The following SLC25A48 variants were observed in gnomAD, a reference collection of about 807,000 sequenced individuals.
SLC25A48 encodes the protein solute carrier family 25 member 48, also known as CTC-321K16.1.
A neutral mutation model predicts 32.2 loss-of-function variants in SLC25A48; 29 were observed. That is an observed-to-expected ratio of 0.90 (90% CI 0.67 to 1.23). The LOEUF (loss-of-function observed/expected upper bound fraction) is 1.23, where lower values mean the gene tolerates loss of function less well. SLC25A48 is among the 50% of genes most tolerant of loss of function. The pLI, the probability that SLC25A48 is intolerant of heterozygous loss-of-function variation, is 0.00. For missense variants in SLC25A48, 399 were observed against 422.7 expected (o/e 0.94, Z 0.49); for synonymous variants, 164 against 172.3 (o/e 0.95, Z 0.38).
chr5:135,606,902 G>C lies in SLC25A48; in HGVS notation c.-848-22335G>C, dbSNP rs555183621. On this transcript the variant is annotated intron_variant, in intron 1 of 10. Transcript: ENST00000646290. ...CAATAAAATGGCTAAAATCACCACT[G>C]TGGCAATGAATTAGAATTCCTTGCT... Among the ~76,000 whole-genome samples the C allele has an allele frequency of 2.0e-5, 3 of 152,302 alleles. No homozygotes were observed. The South Asian group carries it at 6.2e-4, about 32-fold the overall frequency.
chr5:135,690,919 C>T (rs1042326896), intron 3 of SLC25A48, among the ~76,000 whole-genome samples: 5 of 150,242 alleles, frequency 3.3e-5, no homozygotes, highest in Non-Finnish European at 5.9e-5. Flanking sequence ...CAGAATTTCT[C>T]CCAAAGTGTG....
intron 3 of SLC25A48, among the ~76,000 whole-genome samples, chr5:135,676,588 A>T (rs1458346421): frequency 6.6e-6 from 1 of 151,886 alleles, no homozygotes; most frequent in Admixed American, 6.6e-5. Flanking sequence ...TTTCTGATGT[A>T]CATGTTTATT....
intron 3 of SLC25A48, among the ~76,000 whole-genome samples, chr5:135,786,020 A>AT (rs2126627263): frequency 6.8e-6 from 1 of 146,074 alleles, no homozygotes; most frequent in East Asian, 2.1e-4. Context: ...AGTGGGGGAG[A>AT]CGGTGGTATT....
At chr5:135,724,741 G>T (rs562476664) in intron 3 of SLC25A48, among the ~76,000 whole-genome samples, 1 of 152,368 alleles carries the variant, frequency 6.6e-6, no homozygotes, top group South Asian at 2.1e-4. Context: ...GTTGGGAGAT[G>T]ATTTCAACAG....
In SLC25A48 at chr5:135,627,487, C is replaced by G. The variant is rs2078013; in HGVS notation, c.-848-1750C>G. 7.9e-5 allele frequency among the ~76,000 whole-genome samples: 12 copies of G among 152,180 alleles called. No homozygotes were observed. In the East Asian group the frequency reaches 2.3e-3, roughly 29 times the overall value. The stretch of plus-strand genomic sequence containing the variant: ...AAGTGGTGGCGGATTCCTGCTAGTG[C>G]TAAGCTCTGGGTTGCCTCCTCTTTC... On this transcript the variant is annotated intron_variant, in intron 1 of 10. Transcript: ENST00000646290.
intron 3 of SLC25A48, among the ~76,000 whole-genome samples, chr5:135,738,447 G>A (rs1234355684): frequency 6.6e-6 from 1 of 152,210 alleles, no homozygotes; most frequent in East Asian, 1.9e-4. Flanking sequence ...ATGGGAAGAG[G>A]TGACATTTGC....
At chr5:135,805,323 T>C in intron 3 of SLC25A48, among the ~76,000 whole-genome samples, 1 of 151,526 alleles carries the variant, frequency 6.6e-6, no homozygotes, top group Non-Finnish European at 1.5e-5. Flanking sequence ...TGAGATATTA[T>C]TTGTAATGTC....
rs1344882648 is a variant in SLC25A48 at position 135,783,361 on chromosome 5, A to C, written c.-520-29162A>C. Among the ~76,000 whole-genome samples, 6 of 116,966 alleles carry C rather than the reference A, an allele frequency of 5.1e-5. 2 individuals are homozygous for C. The highest frequency in any genetic ancestry group is 1.1e-4 in the Non-Finnish European group (5 of 47,284). 76.7% of individuals were successfully genotyped at this position (116,966 alleles called of 152,430 possible). The stretch of plus-strand genomic sequence containing the variant: ...TGTGACATTGTTTCTAATATCCAGA[A>C]GGGGAAAGAATGATATTACTTTCAG... On this transcript the variant is annotated intron_variant, in intron 3 of 10. Coordinates refer to the SLC25A48 transcript ENST00000646290.
chr5:135,586,709 A>G (rs1339780762), intron 1 of SLC25A48, among the ~76,000 whole-genome samples: 2 of 152,202 alleles, frequency 1.3e-5, no homozygotes, highest in African/African-American at 2.4e-5. Flanking sequence ...GGGAAGGTCA[A>G]GGAAACTGTA....
chr5:135,818,118 T>C (rs889593957), intron 4 of SLC25A48, among the ~76,000 whole-genome samples: 9 of 136,694 alleles, frequency 6.6e-5, no homozygotes, highest in South Asian at 2.3e-4. Flanking sequence ...TCTCTCTCTC[T>C]CCCTCTGTTT....
intron 3 of SLC25A48, among the ~76,000 whole-genome samples, chr5:135,683,448 T>C (rs1161815495): frequency 1.3e-5 from 2 of 152,234 alleles, no homozygotes; most frequent in Non-Finnish European, 2.9e-5. Context: ...GAAATCACCC[T>C]GATCCCTCTT....
chr5:135,694,783 C>T (rs1406809657), intron 3 of SLC25A48, among the ~76,000 whole-genome samples: 2 of 152,114 alleles, frequency 1.3e-5, no homozygotes, highest in African/African-American at 2.4e-5. Flanking sequence ...GATGAGGTTT[C>T]GCCATATTGA....
rs147580175 is a variant in SLC25A48 at position 135,769,895 on chromosome 5, G to A, written c.-520-42628G>A. Among the ~76,000 whole-genome samples, 11 of 151,664 alleles carry A rather than the reference G, an allele frequency of 7.3e-5. No individual in the cohort carries two copies. The East Asian group carries it at 2.1e-3, about 29-fold the overall frequency. On this transcript the variant is annotated intron_variant, in intron 3 of 10. Transcript: ENST00000646290. The stretch of plus-strand genomic sequence containing the variant: ...ATAATATTACTCCCAATATTGCAGG[G>A]GGTGTACACACCCCTGTGATATTGT...
At chr5:135,613,184 C>A (rs1360674250) in intron 1 of SLC25A48, among the ~76,000 whole-genome samples, 1 of 152,152 alleles carries the variant, frequency 6.6e-6, no homozygotes, top group African/African-American at 2.4e-5. Flanking sequence ...TGATGCTGAT[C>A]ATTTTTTCAT....
chr5:135,684,324 G>T (rs972792135), intron 3 of SLC25A48, among the ~76,000 whole-genome samples: 2 of 151,982 alleles, frequency 1.3e-5, no homozygotes, highest in South Asian at 2.1e-4. Context: ...CTCCACAAAT[G>T]GTAGAGATAG....
intron 4 of SLC25A48, among the ~76,000 whole-genome samples, chr5:135,816,351 G>C (rs1216936283): frequency 6.6e-6 from 1 of 152,126 alleles, no homozygotes; most frequent in Non-Finnish European, 1.5e-5. Flanking sequence ...AATAAAAACA[G>C]TTAACCTGTG....
At chr5:135,603,832 G>A (rs1013394125) in intron 1 of SLC25A48, among the ~76,000 whole-genome samples, 4 of 150,512 alleles carry the variant, frequency 2.7e-5, no homozygotes, top group Non-Finnish European at 4.4e-5. Flanking sequence ...GACCATGATC[G>A]GGCACCCTCT....
At chr5:135,810,783 G>T (rs149076738) in intron 3 of SLC25A48, among the ~76,000 whole-genome samples, 1 of 152,170 alleles carries the variant, frequency 6.6e-6, no homozygotes, top group African/African-American at 2.4e-5. Context: ...GAACGCCTTC[G>T]CTTTTTATTA....
At chr5:135,693,705 T>C (rs4246783) in intron 3 of SLC25A48, among the ~76,000 whole-genome samples, 87,033 of 152,080 alleles carry the variant, frequency 0.57, 25,371 homozygotes, top group South Asian at 0.63. Flanking sequence ...GAGTGAAACA[T>C]AGCTGCCCTC....
Sources: allele counts gnomAD v4.1 joint callset (sites outside exome capture counted in the v4.1 genomes callset), GRCh38; gene constraint gnomAD v4.1.1; transcripts MANE v1.5; gene names NCBI Gene and HGNC (gene_info 2026-07-23, HGNC 2026-07-21).